The following SCN2A variants were observed in gnomAD, a reference collection of about 807,000 sequenced individuals.
SCN2A encodes sodium channel protein type 2 subunit alpha.
SCN2A carries 20 observed loss-of-function variants against 188.7 expected under a neutral mutation model. The observed-to-expected ratio is 0.11, with a 90% CI of 0.07 to 0.15. The LOEUF (loss-of-function observed/expected upper bound fraction) is 0.15. SCN2A is among the 10% of genes least tolerant of loss of function. SCN2A has a pLI of 1.00. For missense variants in SCN2A, 1,278 were observed against 2,445.0 expected (o/e 0.52, Z 10.07); for synonymous variants, 804 against 833.1 (o/e 0.97, Z 0.60).
At chr2:165,280,498 G>A (rs1320634805) in intron 1 of SCN2A, among the ~76,000 whole-genome samples, 1 of 152,072 alleles carries the variant, frequency 6.6e-6, no homozygotes, top group East Asian at 1.9e-4. Context: ...TTAGATAACT[G>A]TCTTCAGATT....
chr2:165,357,946 C>A (rs1700261877), intron 17 of SCN2A, among the ~76,000 whole-genome samples: 2 of 152,088 alleles, frequency 1.3e-5, no homozygotes, highest in African/African-American at 4.8e-5. Flanking sequence ...ACGTTCCTTG[C>A]CCTTCCATTG....
intron 23 of SCN2A, among the ~76,000 whole-genome samples, chr2:165,380,230 T>G (rs745691399): frequency 6.6e-6 from 1 of 151,808 alleles, no homozygotes; most frequent in Non-Finnish European, 1.5e-5. Flanking sequence ...TCTTAAAAGT[T>G]TTGACATAGA....
chr2:165,291,550 TTCC>T (rs1696190447), intron 1 of SCN2A, among the ~76,000 whole-genome samples: 1 of 119,538 alleles, frequency 8.4e-6, no homozygotes, highest in Non-Finnish European at 1.8e-5. Context: ...CCTTCCTTCC[TTCC>T]TTCCTTCCTT....
chr2:165,309,067 C>G (rs1348288414), intron 5 of SCN2A: 4 of 1,328,354 alleles, frequency 3.0e-6, no homozygotes, highest in Non-Finnish European at 4.3e-6. Flanking sequence ...ATTGGGAAAG[C>G]TGATGGCGAC....
chr2:165,281,519 A>G (rs1024179229), intron 1 of SCN2A, among the ~76,000 whole-genome samples: 4 of 152,100 alleles, frequency 2.6e-5, no homozygotes, highest in Middle Eastern at 3.4e-3. Context: ...GCCATGTGAG[A>G]AAGTACAGGG....
intron 14 of SCN2A, among the ~76,000 whole-genome samples, chr2:165,339,592 A>T (rs1340140980): frequency 1.3e-5 from 2 of 152,184 alleles, no homozygotes; most frequent in Admixed American, 1.3e-4. Flanking sequence ...ATAGTAATAA[A>T]TTTAACAAAT....
Position 165,344,709 on chromosome 2 carries a change from G to A in SCN2A, c.2717G>A (p.Ser906Asn). 2 of 1,614,122 alleles carry A rather than the reference G, an allele frequency of 1.2e-6. No individual in the cohort carries two copies. Among genetic ancestry groups the A allele is most frequent in the Non-Finnish European group, 1.7e-6 (2 of 1,180,022 alleles). Reference protein sequence around the residue: ...AVVGMQLFGKSYKECVCKISN... With the variant: ...AVVGMQLFGKNYKECVCKISN... ...GTCGGCATGCAGCTCTTTGGTAAGA[G>A]CTACAAAGAATGTGTCTGCAAGATT... The change falls in exon 16 of 27, where the codon AGC becomes AAC. Residue 906 changes from serine to asparagine, a missense_variant. Ser to Asn is a conservative substitution (Grantham distance 46). Coordinates refer to ENST00000375437, the MANE Select transcript of SCN2A (RefSeq NM_001040142.2).
At chr2:165,294,010 TAAAAAAAAAAAAAA>T in intron 1 of SCN2A, 11 of 149,492 alleles carry the variant, frequency 7.4e-5, no homozygotes, top group Non-Finnish European at 9.4e-5. Context: ...GAAGGAGAAT[TAAAAAAAAAAAAAA>T]AAAAAAAAAA....
At chr2:165,246,674 G>C (rs375561643) in intron 1 of SCN2A, among the ~76,000 whole-genome samples, 7 of 151,886 alleles carry the variant, frequency 4.6e-5, no homozygotes, top group Admixed American at 2.0e-4. Flanking sequence ...TTTTTTGTTT[G>C]GTTGGTTTTT....
At chr2:165,241,253 T>C (rs984252614) in intron 1 of SCN2A, 1 of 152,170 alleles carries the variant, frequency 6.6e-6, no homozygotes, top group African/African-American at 2.4e-5. Flanking sequence ...TCAATTTTCT[T>C]AGGTTTCTTG....
At chr2:165,386,621 G>T in intron 25 of SCN2A, 125 bp from the exon 26 acceptor site, 9 of 987,310 alleles carry the variant, frequency 9.1e-6, no homozygotes, top group Non-Finnish European at 1.3e-5. Flanking sequence ...TTTGTAAAAT[G>T]TTGTGAGGAT....
intron 19 of SCN2A, among the ~76,000 whole-genome samples, chr2:165,369,233 A>C (rs1700896926): frequency 6.6e-6 from 1 of 152,150 alleles, no homozygotes. Context: ...CTTGCCAGAC[A>C]TGCTTTCTAA....
intron 14 of SCN2A, among the ~76,000 whole-genome samples, chr2:165,341,394 A>G (rs1265307361): frequency 1.3e-5 from 2 of 152,122 alleles, no homozygotes; most frequent in Admixed American, 1.3e-4. Flanking sequence ...CGCCCGGCCC[A>G]CAGTGGTGAT....
At chr2:165,299,583 A>C (rs184743015) in intron 3 of SCN2A, among the ~76,000 whole-genome samples, 12 of 152,352 alleles carry the variant, frequency 7.9e-5, no homozygotes, top group Non-Finnish European at 1.2e-4. Context: ...AAGATACATG[A>C]ATCCTTCCAT....
At chr2:165,243,622 T>C (rs1693717683) in intron 1 of SCN2A, 1 of 150,778 alleles carries the variant, frequency 6.6e-6, no homozygotes, top group Non-Finnish European at 1.5e-5. Context: ...AAAAAGTCAA[T>C]GTCAGGAAGC....
rs1299920842 is a variant in SCN2A at position 165,331,473 on chromosome 2, A to G, written c.2293A>G (p.Ile765Val). 1 of 1,613,748 alleles carries G rather than the reference A, an allele frequency of 6.2e-7. No individual in the cohort carries two copies. The highest frequency in any genetic ancestry group is 8.5e-7 in the Non-Finnish European group (1 of 1,179,782). The change falls in exon 14 of 27, where the codon ATC (isoleucine) becomes GTC (valine). Residue 765 changes from isoleucine to valine, a missense_variant. By Grantham distance (29) the Ile-to-Val change is conservative. Coordinates refer to ENST00000375437, the MANE Select transcript of SCN2A (RefSeq NM_001040142.2). ...VVMDPFVDLA[I>V]TICIVLNTLF... ...AATGGACCCATTTGTTGACCTGGCC[A>G]TCACCATCTGCATTGTCTTAAATAC...
intron 22 of SCN2A, among the ~76,000 whole-genome samples, chr2:165,376,368 G>A (rs79353078): frequency 0.014 from 2,068 of 151,696 alleles, 42 homozygotes; most frequent in African/African-American, 0.047. Flanking sequence ...AAATAAAAAT[G>A]CATATACATT....
At chr2:165,268,769 A>ACACG (rs1259803973) in intron 1 of SCN2A, 3 of 151,920 alleles carry the variant, frequency 2.0e-5, no homozygotes, top group East Asian at 1.9e-4. Flanking sequence ...ACACACACAC[A>ACACG]CACGCACACA....
chr2:165,331,240 T>A, intron 13 of SCN2A, 90 bp from the exon 14 acceptor site: 1 of 1,035,284 alleles, frequency 9.7e-7, no homozygotes. Context: ...TTAACAACTT[T>A]AGATTTTTTA....
Sources: gnomAD v4.1 joint callset for allele counts (sites outside exome capture counted in the v4.1 genomes callset) on GRCh38, gnomAD v4.1.1 for gene constraint, MANE v1.5 for transcripts, NCBI Gene and HGNC (gene_info 2026-07-23, HGNC 2026-07-21) for gene names.